The following STPG2 variants were observed in gnomAD, a reference collection of about 807,000 sequenced individuals.
STPG2 encodes the protein sperm tail PG-rich repeat containing 2.
A neutral mutation model predicts 54.2 loss-of-function variants in STPG2; 56 were observed. That is an observed-to-expected ratio of 1.03 (90% CI 0.83 to 1.29). The LOEUF (loss-of-function observed/expected upper bound fraction) is 1.29, where lower values mean the gene tolerates loss of function less well. Among genes scored for constraint, STPG2 ranks in the 50% most tolerant of loss-of-function variants. STPG2 has a pLI of 0.00. For synonymous variants in STPG2, 200 were observed against 181.8 expected, an observed-to-expected ratio of 1.10 and a Z score of -0.81; for missense variants, 596 against 544.9, an observed-to-expected ratio of 1.09 and a Z score of -0.93.
chr4:97,688,470 C>T (rs1002653307), intron 10 of STPG2, among the ~76,000 whole-genome samples: 2 of 152,012 alleles, frequency 1.3e-5, no homozygotes, highest in Non-Finnish European at 2.9e-5. Flanking sequence ...GGGTTCACAC[C>T]ATTCTCCTGC....
intron 9 of STPG2, among the ~76,000 whole-genome samples, chr4:97,814,790 C>T (rs1727857065): frequency 6.6e-6 from 1 of 152,126 alleles, no homozygotes; most frequent in Non-Finnish European, 1.5e-5. Context: ...CATCTTTCTC[C>T]TGTGCTGGAT....
intron 4 of STPG2, among the ~76,000 whole-genome samples, chr4:97,449,912 C>G (rs1729322117): frequency 6.6e-6 from 1 of 151,980 alleles, no homozygotes; most frequent in South Asian, 2.1e-4. Flanking sequence ...CATAAACAAA[C>G]AGAAACACAA....
At chr4:97,797,110 A>G (rs1727213988) in intron 9 of STPG2, among the ~76,000 whole-genome samples, 1 of 152,236 alleles carries the variant, frequency 6.6e-6, no homozygotes, top group South Asian at 2.1e-4. Flanking sequence ...GGTTTTCTAC[A>G]CATACAATCA....
chr4:97,905,297 A>G (rs934082789), intron 8 of STPG2, among the ~76,000 whole-genome samples: 12 of 152,260 alleles, frequency 7.9e-5, no homozygotes, highest in Non-Finnish European at 1.5e-4. Flanking sequence ...GTGGGGGCCA[A>G]TATTCAACAT....
At chr4:97,896,358 A>G (rs1253021812) in intron 8 of STPG2, among the ~76,000 whole-genome samples, 1 of 151,816 alleles carries the variant, frequency 6.6e-6, no homozygotes, top group East Asian at 1.9e-4. Context: ...CATGTCAACT[A>G]CCACTTAAGG....
At chr4:97,537,335 C>A (rs1191562750) in intron 4 of STPG2, among the ~76,000 whole-genome samples, 1 of 152,168 alleles carries the variant, frequency 6.6e-6, no homozygotes, top group Non-Finnish European at 1.5e-5. Flanking sequence ...AAAATCAGAT[C>A]ACTCCCACCC....
intron 6 of STPG2, among the ~76,000 whole-genome samples, chr4:97,978,277 A>G (rs1162441354): frequency 6.6e-6 from 1 of 152,220 alleles, no homozygotes; most frequent in Non-Finnish European, 1.5e-5. Flanking sequence ...CTAAATGCCT[A>G]TCAATGGTAG....
In STPG2 at chr4:97,828,065, C is replaced by G. The variant is rs1404412292; in HGVS notation, c.1204+12708G>C. Among the ~76,000 whole-genome samples the G allele has an allele frequency of 2.6e-5, 4 of 152,102 alleles. 1 individual carries two copies. Among genetic ancestry groups the G allele is most frequent in the Admixed American group, 2.6e-4 (4 of 15,266 alleles). On this transcript the variant is annotated intron_variant, in intron 9 of 10. Transcript: ENST00000295268. ...TTCCATCAAAGCCAATTTAAAAAGC[C>G]TCTATAAAATAATCATTCTTGGATT... is the stretch of plus-strand genomic sequence containing the variant.
At chr4:97,536,052 T>A (rs1731522021) in intron 4 of STPG2, among the ~76,000 whole-genome samples, 1 of 152,210 alleles carries the variant, frequency 6.6e-6, no homozygotes, top group Admixed American at 6.5e-5. Context: ...CATACCACCC[T>A]GCAGCTTTGA....
intron 4 of STPG2, among the ~76,000 whole-genome samples, chr4:97,481,922 T>C (rs984711594): frequency 1.3e-5 from 2 of 151,602 alleles, no homozygotes; most frequent in Admixed American, 6.6e-5. Flanking sequence ...TTGCTTCTCA[T>C]TTGAGGGCAA....
intron 9 of STPG2, among the ~76,000 whole-genome samples, chr4:97,729,623 G>A (rs930796000): frequency 1.3e-5 from 2 of 152,222 alleles, no homozygotes; most frequent in African/African-American, 4.8e-5. Context: ...ACTGTACAAG[G>A]TGAGTAAAGG....
Position 97,656,732 on chromosome 4 carries a change from A to G in STPG2, c.1320+55967T>C, listed in dbSNP as rs891719191. Among the ~76,000 whole-genome samples the G allele has an allele frequency of 2.0e-5, 3 of 150,724 alleles. No homozygotes were observed. In the Admixed American group the frequency reaches 2.0e-4, roughly 10 times the overall value. On this transcript the variant is annotated intron_variant, in intron 10 of 10. Transcript: ENST00000295268. The stretch of plus-strand genomic sequence containing the variant: ...TGGACATCGAATACTAGTATTGTGC[A>G]TAGTTTTAGTTTTATGGAAATATTT...
intron 9 of STPG2, among the ~76,000 whole-genome samples, chr4:97,772,401 T>C (rs1173250875): frequency 1.3e-5 from 2 of 152,294 alleles, no homozygotes; most frequent in East Asian, 3.9e-4. Context: ...TTAAGAACTG[T>C]CAGTTTTTAA....
At chr4:97,887,868 C>T (rs1038006199) in intron 8 of STPG2, among the ~76,000 whole-genome samples, 2 of 152,176 alleles carry the variant, frequency 1.3e-5, no homozygotes, top group African/African-American at 4.8e-5. Flanking sequence ...GGCCCAAGGG[C>T]CCACTGCCCT....
At chr4:97,568,027 A>G (rs909985154) in intron 10 of STPG2, among the ~76,000 whole-genome samples, 1 of 152,290 alleles carries the variant, frequency 6.6e-6, no homozygotes, top group South Asian at 2.1e-4. Flanking sequence ...GAAGCACAGC[A>G]GTGTTTTTCA....
chr4:98,042,431 GGT>G (rs1288499116), intron 5 of STPG2, among the ~76,000 whole-genome samples: 2 of 151,294 alleles, frequency 1.3e-5, no homozygotes, highest in Non-Finnish European at 3.0e-5. Flanking sequence ...ACTAATTTGT[GGT>G]GTTTCTTTTT....
chr4:97,916,721 G>C (rs1326736762), intron 8 of STPG2: 1 of 153,000 alleles, frequency 6.5e-6, no homozygotes, highest in Non-Finnish European at 1.5e-5. Context: ...TTGCCCACCA[G>C]CTTCCTCACT....
intron 9 of STPG2, among the ~76,000 whole-genome samples, chr4:97,799,328 T>A (rs759081705): frequency 1.0e-3 from 152 of 152,244 alleles, no homozygotes; most frequent in Non-Finnish European, 1.9e-3. Flanking sequence ...TACAAGTTGT[T>A]CCTTTCCATG....
At chr4:97,496,190 C>G (rs1385888656) in intron 4 of STPG2, among the ~76,000 whole-genome samples, 1 of 151,554 alleles carries the variant, frequency 6.6e-6, no homozygotes, top group Non-Finnish European at 1.5e-5. Flanking sequence ...TATATGCCCC[C>G]CCAAAAGTAT....
Sources: allele counts gnomAD v4.1 joint callset (sites outside exome capture counted in the v4.1 genomes callset), GRCh38; gene constraint gnomAD v4.1.1; transcripts MANE v1.5; gene names NCBI Gene and HGNC (gene_info 2026-07-23, HGNC 2026-07-21).